SH3BP5: variants seen among roughly 807,000 people sequenced by gnomAD.
The protein encoded by SH3BP5 is SH3 domain binding protein 5.
A neutral mutation model predicts 43.3 loss-of-function variants in SH3BP5; 22 were observed. That is an observed-to-expected ratio of 0.51 (90% confidence interval 0.36 to 0.73). SH3BP5 has a LOEUF of 0.73. Among genes scored for constraint, SH3BP5 ranks in the 30% least tolerant of loss-of-function variants. The probability of loss-of-function intolerance (pLI) is 0.00; values close to 1 mark genes in which losing one functional copy is unlikely to be tolerated. For synonymous variants in SH3BP5, 255 were observed against 225.8 expected, an observed-to-expected ratio of 1.13 and a Z score of -1.16; for missense variants, 529 against 586.9, an observed-to-expected ratio of 0.90 and a Z score of 1.02.
At chr3:15,335,632 A>G (rs1174297495), upstream of SH3BP5, among the ~76,000 whole-genome samples, 1 of 152,188 alleles carries the variant, frequency 6.6e-6, no homozygotes, top group Non-Finnish European at 1.5e-5. Context: ...GGTTGTATGT[A>G]GGTTATATGT....
rs981780471 is a variant in SH3BP5 at position 15,256,970 on chromosome 3, C to T, written c.1033G>A (p.Gly345Ser). The T allele has an allele frequency of 8.1e-6, 13 of 1,614,240 alleles. No individual in the cohort carries two copies. The highest frequency in any genetic ancestry group is 1.0e-5 in the Non-Finnish European group (12 of 1,180,048). Reference protein sequence around the residue: ...PDQFPAVVRPGSLDLPSPVSL... With the variant: ...PDQFPAVVRPSSLDLPSPVSL... ...ACAGGGCTGGGCAGATCCAGGCTGC[C>T]AGGCCTCACAACCGCAGGGAACTGG... Residue 345 changes from glycine (G) to serine (S), a missense_variant, in exon 8 of 9, where the codon GGC (glycine) becomes AGC (serine). By Grantham distance (56) the Gly-to-Ser change is moderately conservative. Around this residue, in one of 3 missense-constraint regions of SH3BP5, gnomAD observed 369 missense variants for 384.3 expected, o/e 0.96. Coordinates refer to ENST00000383791, the MANE Select transcript of SH3BP5 (RefSeq NM_004844.5).
Position 15,256,929 on chromosome 3 carries a change from A to G in SH3BP5, c.1074T>C (p.Phe358=), listed in dbSNP as rs1575271705. 1.9e-6 allele frequency: 3 copies of G among 1,614,208 alleles called. No individual in the cohort carries two copies. The highest frequency in any genetic ancestry group is 2.5e-6 in the Non-Finnish European group (3 of 1,180,018). The change falls in exon 8 of 9, where the codon TTT becomes TTC. Residue 358 remains phenylalanine, a synonymous_variant. Coordinates refer to ENST00000383791, the MANE Select transcript of SH3BP5 (RefSeq NM_004844.5). ...DLPSPVSLSE[F]GMMFPVLGPR... ...GGCCCAACACTGGGAACATCATCCCAAACTCTGACAGGGACACAGGGCTGG... is the reference window on the plus strand; with the variant it reads ...GGCCCAACACTGGGAACATCATCCCGAACTCTGACAGGGACACAGGGCTGG...
In SH3BP5 at chr3:15,257,358, G is replaced by A. The variant is rs1449658379; in HGVS notation, c.890-245C>T. Reference sequence around the variant, plus strand: ...GCCCTTCCAATAACCTTATAACCCTGCCAAGAAATCAGTGTCACCAGACAC... The same window carrying A: ...GCCCTTCCAATAACCTTATAACCCTACCAAGAAATCAGTGTCACCAGACAC... On this transcript the variant is annotated intron_variant, in intron 7 of 8. Coordinates refer to ENST00000383791, the MANE Select transcript of SH3BP5 (RefSeq NM_004844.5). 2.0e-5 allele frequency: 9 copies of A among 456,306 alleles called. No homozygotes were observed. The South Asian group carries it at 3.0e-4, about 15-fold the overall frequency. 28.3% of individuals were successfully genotyped at this position (456,306 alleles called of 1,614,324 possible).
At chr3:15,329,193 C>T (rs1354141854) in intron 2 of SH3BP5, among the ~76,000 whole-genome samples, 2 of 152,010 alleles carry the variant, frequency 1.3e-5, no homozygotes, top group African/African-American at 4.8e-5. Context: ...CCATACGTTG[C>T]ACATGGCTAC....
chr3:15,306,937 C>T (rs562204413), intron 2 of SH3BP5, among the ~76,000 whole-genome samples: 7 of 151,974 alleles, frequency 4.6e-5, no homozygotes, highest in Non-Finnish European at 8.8e-5. Context: ...CCTCCCAAAG[C>T]GCTGGGATTA....
intron 4 of SH3BP5, among the ~76,000 whole-genome samples, chr3:15,268,716 C>T (rs1008200470): frequency 2.0e-4 from 31 of 152,298 alleles, no homozygotes; most frequent in African/African-American, 7.2e-4. Context: ...TCCCTAGCTG[C>T]TATGGTCTGA....
chr3:15,318,783 G>C (rs1698247027), intron 2 of SH3BP5, among the ~76,000 whole-genome samples: 1 of 152,166 alleles, frequency 6.6e-6, no homozygotes, highest in African/African-American at 2.4e-5. Context: ...TGTTAGCCAA[G>C]CTGGTCCCAA....
intron 2 of SH3BP5, among the ~76,000 whole-genome samples, chr3:15,305,150 A>T (rs1292872312): frequency 6.6e-6 from 1 of 152,148 alleles, no homozygotes; most frequent in Non-Finnish European, 1.5e-5. Context: ...TATATTTAAA[A>T]TTTTTTAATT....
intron 4 of SH3BP5, among the ~76,000 whole-genome samples, chr3:15,265,241 C>T (rs1326854715): frequency 2.0e-5 from 3 of 152,106 alleles, no homozygotes; most frequent in African/African-American, 2.4e-5. Context: ...CAGCCAGGTG[C>T]GATGGGGCTC....
intron 7 of SH3BP5, 27 bp downstream of exon 7, chr3:15,258,804 A>G: frequency 1.3e-6 from 2 of 1,579,208 alleles, no homozygotes; most frequent in Non-Finnish European, 8.7e-7. Flanking sequence ...ATATCTCCCC[A>G]CATACCCAGT....
rs771850710 is a variant in SH3BP5, at chr3:15,256,923, C to T, written c.1080G>A (p.Met360Ile). 5 of 1,614,048 alleles carry T rather than the reference C, an allele frequency of 3.1e-6. No homozygotes were observed. The highest frequency in any genetic ancestry group is 4.2e-6 in the Non-Finnish European group (5 of 1,180,012). Residue 360 changes from methionine (M) to isoleucine (I), a missense_variant, in exon 8 of 9, where the codon ATG becomes ATA. Met to Ile is a conservative substitution (Grantham distance 10). Coordinates refer to ENST00000383791, the MANE Select transcript of SH3BP5 (RefSeq NM_004844.5). ...PSPVSLSEFG[M>I]MFPVLGPRSE... ...TTCGAGGGCCCAACACTGGGAACAT[C>T]ATCCCAAACTCTGACAGGGACACAG...
At chr3:15,287,046 A>T (rs184872053) in intron 3 of SH3BP5, among the ~76,000 whole-genome samples, 1 of 152,324 alleles carries the variant, frequency 6.6e-6, no homozygotes, top group East Asian at 1.9e-4. Context: ...TGTGACCCTG[A>T]GTACTTTCTT....
chr3:15,328,415 CT>C (rs760691045), intron 2 of SH3BP5, among the ~76,000 whole-genome samples: 19 of 140,692 alleles, frequency 1.4e-4, no homozygotes, highest in East Asian at 2.1e-4. Flanking sequence ...TCAATCAATG[CT>C]TTTAAAAAAA....
intron 2 of SH3BP5, among the ~76,000 whole-genome samples, chr3:15,322,864 G>A (rs1024030396): frequency 2.6e-5 from 4 of 151,806 alleles, no homozygotes; most frequent in Admixed American, 6.6e-5. Flanking sequence ...GCGGGAGGCC[G>A]GGCGCAGTAG....
At chr3:15,274,188 G>A (rs1390354646) in intron 3 of SH3BP5, among the ~76,000 whole-genome samples, 3 of 152,042 alleles carry the variant, frequency 2.0e-5, no homozygotes, top group Non-Finnish European at 4.4e-5. Context: ...GGAGGTTGCA[G>A]TGAGCTAAGA....
At position 15,255,946 on chromosome 3, in the gene SH3BP5, C is replaced by T. The variant is rs997349564; in HGVS notation, c.*140G>A. The T allele has an allele frequency of 1.5e-5, 11 of 751,756 alleles. No individual in the cohort carries two copies. The highest frequency in any genetic ancestry group is 3.3e-4 in the Middle Eastern group (1 of 2,996). 46.6% of individuals were successfully genotyped at this position (751,756 alleles called of 1,614,324 possible). A position where few individuals can be genotyped will look rare whatever the true frequency, so the allele number is the denominator to read the frequency against. The stretch of plus-strand genomic sequence containing the variant: ...CTTACCCAGAAGAACAATCTTTAGC[C>T]CTCAAGGTCACTGAAACTTCATTAG... On this transcript the variant is annotated 3_prime_UTR_variant, in exon 9 of 9. Coordinates refer to ENST00000383791, the MANE Select transcript of SH3BP5 (RefSeq NM_004844.5).
Position 15,260,052 on chromosome 3 carries a change from A to C in SH3BP5, c.627-249T>G, listed in dbSNP as rs115379111. On this transcript the variant is annotated intron_variant, in intron 5 of 8. Coordinates refer to ENST00000383791, the MANE Select transcript of SH3BP5 (RefSeq NM_004844.5). Reference sequence around the variant, plus strand: ...GCCCATCTCAAGACACGGGGAACCCACACACACATATCTTGGGGACTCTGC... The same window carrying C: ...GCCCATCTCAAGACACGGGGAACCCCCACACACATATCTTGGGGACTCTGC... The C allele has an allele frequency of 1.6e-3, 894 of 546,210 alleles. 7 individuals carry two copies. The highest frequency in any genetic ancestry group is 0.016 in the African/African-American group (844 of 52,650). The allele number at this position is 546,210 out of a possible 1,614,324, so 33.8% of individuals were successfully genotyped here. A position where few individuals can be genotyped will look rare whatever the true frequency, so the allele number is the denominator to read the frequency against.
chr3:15,312,893 TA>T (rs569073348), intron 2 of SH3BP5, among the ~76,000 whole-genome samples: 1 of 152,168 alleles, frequency 6.6e-6, no homozygotes, highest in African/African-American at 2.4e-5. Flanking sequence ...AACACCTGCT[TA>T]AAAAATGTAT....
intron 3 of SH3BP5, among the ~76,000 whole-genome samples, chr3:15,287,337 C>T (rs1697292591): frequency 6.6e-6 from 1 of 152,206 alleles, no homozygotes; most frequent in South Asian, 2.1e-4. Flanking sequence ...CAGAGGATGA[C>T]AACCATAACG....
Sources: gnomAD v4.1 joint callset for allele counts (sites outside exome capture counted in the v4.1 genomes callset) on GRCh38, gnomAD v4.1.1 for gene constraint, gnomAD v4.1.1 regional missense constraint, MANE v1.5 for transcripts, NCBI Gene and HGNC (gene_info 2026-07-23, HGNC 2026-07-21) for gene names.